The following LRP1B variants were observed in gnomAD, a reference collection of about 807,000 sequenced individuals.
LRP1B encodes the protein LDL receptor related protein 1B, also known as low-density lipoprotein receptor-related protein 1B.
A neutral mutation model predicts 556.6 loss-of-function variants in LRP1B; 217 were observed. The ratio of observed to expected loss-of-function variants is 0.39; its 90% confidence interval spans 0.35 to 0.44. LRP1B has a LOEUF of 0.44. Among genes scored for constraint, LRP1B ranks in the 20% least tolerant of loss-of-function variants. The pLI is 1.00. For synonymous variants in LRP1B, 2,047 were observed against 1,865.8 expected (o/e 1.10, Z -2.50); for missense variants, 5,053 against 5,620.8 (o/e 0.90, Z 3.23).
chr2:140,335,859 A>G (rs1305091245), intron 77 of LRP1B, 21 bp from the exon 78 acceptor site: 1 of 1,435,290 alleles, frequency 7.0e-7, no homozygotes. Context: ...ACAAAACAAC[A>G]CACCACGGTA....
At chr2:140,785,007 CAT>C (rs1224307686) in intron 32 of LRP1B, among the ~76,000 whole-genome samples, 2 of 152,038 alleles carry the variant, frequency 1.3e-5, no homozygotes, top group African/African-American at 4.8e-5. Context: ...AAAACAGACA[CAT>C]GTTGTCATGA....
intron 7 of LRP1B, among the ~76,000 whole-genome samples, chr2:141,062,966 A>T (rs1391971186): frequency 1.3e-5 from 2 of 151,880 alleles, no homozygotes; most frequent in Non-Finnish European, 2.9e-5. Flanking sequence ...TGAGACAACA[A>T]ATTCTTTCAT....
intron 1 of LRP1B, among the ~76,000 whole-genome samples, chr2:142,054,926 C>T (rs912002125): frequency 6.6e-6 from 1 of 152,070 alleles, no homozygotes; most frequent in Non-Finnish European, 1.5e-5. Flanking sequence ...TTAAGAAACA[C>T]TATGTTTCAC....
chr2:141,964,896 CA>C (rs1222876753), intron 1 of LRP1B, among the ~76,000 whole-genome samples: 1 of 149,944 alleles, frequency 6.7e-6, no homozygotes, highest in Non-Finnish European at 1.5e-5. Flanking sequence ...AACAAATTTA[CA>C]AGAAAAAAAC....
At chr2:141,647,750 T>G (rs1290016482) in intron 2 of LRP1B, among the ~76,000 whole-genome samples, 1 of 151,730 alleles carries the variant, frequency 6.6e-6, no homozygotes, top group Non-Finnish European at 1.5e-5. Flanking sequence ...ATAGTAGTTT[T>G]TAATAGTCAT....
At chr2:140,851,268 G>A (rs1362069844) in intron 28 of LRP1B, among the ~76,000 whole-genome samples, 1 of 152,020 alleles carries the variant, frequency 6.6e-6, no homozygotes, top group African/African-American at 2.4e-5. Context: ...GACTTTAGAA[G>A]AGCAGATTAA....
chr2:140,376,700 G>A (rs893815097), intron 68 of LRP1B, among the ~76,000 whole-genome samples: 2 of 152,268 alleles, frequency 1.3e-5, no homozygotes, highest in African/African-American at 2.4e-5. Context: ...GCCCTCAGGC[G>A]AGAAATTACA....
rs191901080 is a variant in LRP1B at position 140,485,242 on chromosome 2, C to T, written c.9425+101G>A. Reference sequence around the variant, plus strand: ...AAGTGAGAATTTCTGCACACTTACACGTTACATTGGATTTCCATGTTAATG... The same window carrying T: ...AAGTGAGAATTTCTGCACACTTACATGTTACATTGGATTTCCATGTTAATG... On this transcript the variant is annotated intron_variant, in intron 59 of 90. Transcript: ENST00000389484. 14 of 783,280 alleles carry T rather than the reference C, an allele frequency of 1.8e-5. No individual in the cohort carries two copies. The South Asian group carries it at 1.8e-4, about 10-fold the overall frequency. The allele number at this position is 783,280 out of a possible 1,614,324, so 48.5% of individuals were successfully genotyped here.
chr2:140,737,810 A>G (rs948355163), intron 35 of LRP1B, among the ~76,000 whole-genome samples: 73 of 152,182 alleles, frequency 4.8e-4, no homozygotes, highest in African/African-American at 1.8e-3. Context: ...CAAAAACTAG[A>G]TGAATGCCGG....
intron 7 of LRP1B, among the ~76,000 whole-genome samples, chr2:141,155,981 G>A (rs1399255083): frequency 1.3e-5 from 2 of 151,894 alleles, no homozygotes; most frequent in African/African-American, 4.8e-5. Flanking sequence ...ATTCCTACAG[G>A]AACATAAAAG....
intron 15 of LRP1B, among the ~76,000 whole-genome samples, chr2:141,002,427 G>A (rs558178507): frequency 3.7e-4 from 57 of 152,012 alleles, no homozygotes; most frequent in African/African-American, 1.3e-3. Context: ...GTCATCCCTC[G>A]ATATCCAGGG....
At position 140,270,264 on chromosome 2, in the gene LRP1B, C is replaced by T. The variant is rs760648873; in HGVS notation, c.13225G>A (p.Glu4409Lys). 9.9e-6 allele frequency: 16 copies of T among 1,611,800 alleles called. No individual in the cohort carries two copies. The highest frequency in any genetic ancestry group is 1.3e-5 in the African/African-American group (1 of 74,870). The stretch of plus-strand genomic sequence containing the variant: ...CACAGACACACAGGTACATTTGTCT[C>T]GGGGTCCAGCTGGCATGTGCCACCA... ...YNGGTCQLDP[E>K]TNVPVCLCST... Residue 4409 changes from glutamate (E) to lysine (K), a missense_variant, in exon 86 of 91, where the codon GAG (glutamate) becomes AAG (lysine). Transcript: ENST00000389484.
intron 4 of LRP1B, among the ~76,000 whole-genome samples, chr2:141,250,568 T>G (rs13009237): frequency 0.21 from 32,660 of 152,068 alleles, 3,598 homozygotes; most frequent in South Asian, 0.25. Flanking sequence ...CTAACAAACA[T>G]AAGGAAAATA....
chr2:141,367,955 C>T (rs1022147910), intron 3 of LRP1B, among the ~76,000 whole-genome samples: 1 of 152,046 alleles, frequency 6.6e-6, no homozygotes, highest in African/African-American at 2.4e-5. Context: ...AAATTTTGTG[C>T]CAACACATGT....
chr2:140,288,492 A>G (rs370679507), intron 84 of LRP1B, among the ~76,000 whole-genome samples: 28 of 151,998 alleles, frequency 1.8e-4, no homozygotes, highest in African/African-American at 5.8e-4. Flanking sequence ...TTAAATTTAC[A>G]TTTGAACTTT....
chr2:140,309,477 C>T (rs1041919917), intron 83 of LRP1B, among the ~76,000 whole-genome samples: 11 of 151,726 alleles, frequency 7.2e-5, no homozygotes, highest in African/African-American at 2.4e-4. Context: ...TCTGGTATTG[C>T]TCTCACCATA....
At chr2:140,881,878 G>A (rs1367911660) in intron 25 of LRP1B, among the ~76,000 whole-genome samples, 2 of 151,962 alleles carry the variant, frequency 1.3e-5, no homozygotes, top group Non-Finnish European at 2.9e-5. Context: ...TTGTGTTTTT[G>A]TTTTCTTTCT....
intron 37 of LRP1B, among the ~76,000 whole-genome samples, chr2:140,713,706 A>T (rs1021762682): frequency 6.6e-6 from 1 of 151,348 alleles, no homozygotes; most frequent in African/African-American, 2.4e-5. Flanking sequence ...CACATCACCT[A>T]CTCTTCCCTA....
intron 18 of LRP1B, among the ~76,000 whole-genome samples, chr2:140,975,082 C>A (rs1007527403): frequency 1.3e-5 from 2 of 152,146 alleles, no homozygotes; most frequent in Non-Finnish European, 2.9e-5. Flanking sequence ...GTGGACTTAG[C>A]AAAGACAGCA....
Sources: allele counts gnomAD v4.1 joint callset (sites outside exome capture counted in the v4.1 genomes callset), GRCh38; gene constraint gnomAD v4.1.1; transcripts MANE v1.5; gene names NCBI Gene and HGNC (gene_info 2026-07-23, HGNC 2026-07-21).